The following DDX4 variants were observed in gnomAD, a reference collection of about 807,000 sequenced individuals.
DDX4 encodes the protein DEAD-box helicase 4.
DDX4 carries 25 observed loss-of-function variants against 100.0 expected under a neutral mutation model. The observed-to-expected ratio is 0.25, with a 90% CI of 0.18 to 0.35. The LOEUF (loss-of-function observed/expected upper bound fraction) is 0.35. DDX4 is among the 10% of genes least tolerant of loss of function. DDX4 has a pLI of 1.00. For missense variants in DDX4, 635 were observed against 882.4 expected, an observed-to-expected ratio of 0.72 and a Z score of 3.55; for synonymous variants, 259 against 275.7, an observed-to-expected ratio of 0.94 and a Z score of 0.60.
chr5:55,778,822 A>G (rs1348743364), intron 7 of DDX4, among the ~76,000 whole-genome samples: 1 of 151,842 alleles, frequency 6.6e-6, no homozygotes, highest in Non-Finnish European at 1.5e-5. Context: ...TGGACTCTGG[A>G]GGCAGAGGTT....
chr5:55,757,797 A>G (rs1760028975), intron 3 of DDX4, among the ~76,000 whole-genome samples: 1 of 152,168 alleles, frequency 6.6e-6, no homozygotes, highest in African/African-American at 2.4e-5. Flanking sequence ...TAGTCCCAGC[A>G]CTATGGGAGG....
intron 10 of DDX4, chr5:55,782,255 C>T: frequency 3.0e-6 from 1 of 328,308 alleles, no homozygotes; most frequent in Non-Finnish European, 5.6e-6. Flanking sequence ...AGGATGTTCA[C>T]TGAGATGTCA....
intron 18 of DDX4, among the ~76,000 whole-genome samples, chr5:55,808,301 CCTT>C (rs1743879758): frequency 6.6e-6 from 1 of 152,134 alleles, no homozygotes; most frequent in Non-Finnish European, 1.5e-5. Context: ...TCATCTGATG[CCTT>C]CTTCTCTCAA....
chr5:55,775,018 C>T (rs1294800817), intron 7 of DDX4, among the ~76,000 whole-genome samples: 1 of 152,134 alleles, frequency 6.6e-6, no homozygotes, highest in Non-Finnish European at 1.5e-5. Context: ...ACAACAATTC[C>T]CTGTGTACTC....
chr5:55,782,929 G>A lies in DDX4; in HGVS notation c.625+948G>A, dbSNP rs571171556. Among the ~76,000 whole-genome samples the A allele has an allele frequency of 2.7e-5, 4 of 150,888 alleles. No individual in the cohort carries two copies. In the East Asian group the frequency reaches 5.9e-4, roughly 22 times the overall value. On this transcript the variant is annotated intron_variant, in intron 10 of 21. Coordinates refer to ENST00000505374, the MANE Select transcript of DDX4 (RefSeq NM_024415.3). ...TCCTGCCTCAGCCTCCCTAGCAGCTGGATTACAGGCACCTGCCACCACACC... is the reference window on the plus strand; with the variant it reads ...TCCTGCCTCAGCCTCCCTAGCAGCTAGATTACAGGCACCTGCCACCACACC...
At chr5:55,738,427 C>T (rs748659679) in intron 1 of DDX4, 28 of 156,862 alleles carry the variant, frequency 1.8e-4, no homozygotes, top group Non-Finnish European at 3.2e-4. Flanking sequence ...CCCTTCTTCC[C>T]TTCCCCACTA....
chr5:55,789,038 A>G (rs1211579784), intron 15 of DDX4, among the ~76,000 whole-genome samples: 3 of 152,104 alleles, frequency 2.0e-5, no homozygotes, highest in African/African-American at 7.2e-5. Context: ...TCCAGCCTAG[A>G]TGACAGTGAG....
intron 14 of DDX4, among the ~76,000 whole-genome samples, chr5:55,787,250 T>A (rs1295039478): frequency 6.6e-6 from 1 of 152,162 alleles, no homozygotes; most frequent in Non-Finnish European, 1.5e-5. Flanking sequence ...CATAGTAGAA[T>A]TGTAGGGAAA....
chr5:55,790,743 A>G, intron 16 of DDX4, 38 bp downstream of exon 16: 11 of 1,598,244 alleles, frequency 6.9e-6, no homozygotes, highest in Non-Finnish European at 8.6e-6. Context: ...TGAGATTGAT[A>G]CTTTTTGTTT....
Position 55,814,994 on chromosome 5 carries a change from G to T in DDX4, c.1809G>T (p.Gly603=), listed in dbSNP as rs1340985959. 1.9e-6 allele frequency: 3 copies of T among 1,614,144 alleles called. No homozygotes were observed. Among genetic ancestry groups the T allele is most frequent in the East Asian group, 2.2e-5 (1 of 44,886 alleles). ...TTGCTACTTCAGTAGCTGCCAGAGG[G>T]CTGGATATTGAAAATGTGCAACATG... ...VLVATSVAAR[G]LDIENVQHVI... Residue 603 remains glycine (G), a synonymous_variant, in exon 20 of 22, where the codon GGG becomes GGT. Coordinates refer to ENST00000505374, the MANE Select transcript of DDX4 (RefSeq NM_024415.3).
chr5:55,783,271 T>C (rs987309406), intron 10 of DDX4, among the ~76,000 whole-genome samples: 1 of 151,932 alleles, frequency 6.6e-6, no homozygotes, highest in Non-Finnish European at 1.5e-5. Context: ...TTCTTCAATA[T>C]AGAAAGAGTT....
intron 2 of DDX4, among the ~76,000 whole-genome samples, chr5:55,741,389 C>A (rs918164323): frequency 6.6e-6 from 1 of 152,210 alleles, no homozygotes; most frequent in Non-Finnish European, 1.5e-5. Context: ...TGTCTGCAAA[C>A]TTAACACCTG....
In DDX4 at chr5:55,784,813, C is replaced by T. The variant is rs74526924; in HGVS notation, c.626-484C>T. Among the ~76,000 whole-genome samples the T allele has an allele frequency of 3.5e-3, 531 of 152,340 alleles. 7 individuals are homozygous for T. The highest frequency in any genetic ancestry group is 0.012 in the African/African-American group (514 of 41,576). On this transcript the variant is annotated intron_variant, in intron 10 of 21. Transcript: ENST00000505374. Reference sequence around the variant, plus strand: ...ACAGCTCATTGCTGGGAGAACTAAGCACATCCTGTGTGACTGCAGTAGAAG... The same window carrying T: ...ACAGCTCATTGCTGGGAGAACTAAGTACATCCTGTGTGACTGCAGTAGAAG...
chr5:55,766,976 A>G, intron 6 of DDX4: 1 of 1,532,930 alleles, frequency 6.5e-7, no homozygotes, highest in Non-Finnish European at 8.7e-7. Context: ...GGTAGTTTTC[A>G]GGCAGCCTTC....
chr5:55,783,674 G>GATGA (rs1279326444), intron 10 of DDX4, among the ~76,000 whole-genome samples: 6 of 108,872 alleles, frequency 5.5e-5, no homozygotes, highest in Non-Finnish European at 9.5e-5. Flanking sequence ...TGGATGGATG[G>GATGA]ATGAATGGAT....
chr5:55,796,506 C>T (rs913036874), intron 17 of DDX4, among the ~76,000 whole-genome samples: 6 of 152,188 alleles, frequency 3.9e-5, no homozygotes, highest in Admixed American at 3.3e-4. Context: ...AAGTCTGATT[C>T]TTTTAAACAT....
chr5:55,771,623 T>A (rs1361488446), intron 7 of DDX4, among the ~76,000 whole-genome samples: 1 of 152,196 alleles, frequency 6.6e-6, no homozygotes, highest in East Asian at 1.9e-4. Flanking sequence ...CTATATATAT[T>A]TTTGGCTTTA....
rs192782218 is a variant in DDX4 at position 55,760,065 on chromosome 5, T to A, written c.128-135T>A. 2.2e-3 allele frequency: 1,631 copies of A among 738,380 alleles called. 5 individuals are homozygous for A. The highest frequency in any genetic ancestry group is 6.7e-3 in the Admixed American group (162 of 24,314). 45.7% of individuals were successfully genotyped at this position (738,380 alleles called of 1,614,324 possible). On this transcript the variant is annotated intron_variant, in intron 3 of 21. Transcript: ENST00000505374. The stretch of plus-strand genomic sequence containing the variant: ...TCATGTAGCCATTTTTTTTTTTTTT[T>A]ACTGGGCTGTTTGTCACCTTTTTTA...
intron 9 of DDX4, among the ~76,000 whole-genome samples, chr5:55,781,660 C>T (rs2111982895): frequency 6.6e-6 from 1 of 151,756 alleles, no homozygotes; most frequent in South Asian, 2.1e-4. Flanking sequence ...GCCTGTAGTC[C>T]CAGCTACTCA....
Sources: gnomAD v4.1 joint callset for allele counts (sites outside exome capture counted in the v4.1 genomes callset) on GRCh38, gnomAD v4.1.1 for gene constraint, MANE v1.5 for transcripts, NCBI Gene and HGNC (gene_info 2026-07-23, HGNC 2026-07-21) for gene names.